Variants in NBEA observed in about 807,000 individuals in gnomAD.
NBEA encodes lysosomal-trafficking regulator 2.
In NBEA, 44 loss-of-function variants were observed where a neutral mutation model predicts 343.4. That is an observed-to-expected ratio of 0.13 (90% CI 0.10 to 0.16). The LOEUF (loss-of-function observed/expected upper bound fraction) is 0.16. Among genes scored for constraint, NBEA ranks in the 10% least tolerant of loss-of-function variants. NBEA has a pLI of 1.00. For synonymous variants in NBEA, 1,175 were observed against 1,238.7 expected (o/e 0.95, Z 1.08); for missense variants, 2,555 against 3,631.3 (o/e 0.70, Z 7.62).
chr13:35,233,272 T>C (rs1271122946), intron 34 of NBEA, among the ~76,000 whole-genome samples: 1 of 152,194 alleles, frequency 6.6e-6, no homozygotes, highest in Non-Finnish European at 1.5e-5. Context: ...TGGCTTTAGA[T>C]GCTGTTTCAG....
intron 38 of NBEA, among the ~76,000 whole-genome samples, chr13:35,393,608 A>C (rs1264361580): frequency 1.3e-5 from 2 of 152,134 alleles, no homozygotes; most frequent in East Asian, 3.8e-4. Context: ...ACATTTATGG[A>C]AAATTCAGGT....
intron 35 of NBEA, among the ~76,000 whole-genome samples, chr13:35,294,387 G>A (rs1261159621): frequency 6.6e-6 from 1 of 151,850 alleles, no homozygotes; most frequent in Non-Finnish European, 1.5e-5. Context: ...ATAGGTAAGA[G>A]AACATAGAGG....
At position 35,487,704 on chromosome 13, in the gene NBEA, T is replaced by C. The variant is rs1011386869; in HGVS notation, c.6585+15168T>C. Reference sequence around the variant, plus strand: ...GAACCAAAATATTTCCCCTTGAAACTTTCACCTTCTGGCCCCTACTTTCCC... The same window carrying C: ...GAACCAAAATATTTCCCCTTGAAACCTTCACCTTCTGGCCCCTACTTTCCC... On this transcript the variant is annotated intron_variant, in intron 41 of 58. Transcript: ENST00000379939. Among the ~76,000 whole-genome samples the C allele has an allele frequency of 3.9e-5, 6 of 151,910 alleles. No individual in the cohort carries two copies. The South Asian group carries it at 1.2e-3, about 31-fold the overall frequency.
chr13:35,476,220 C>T (rs765057512), intron 41 of NBEA: 3 of 1,602,782 alleles, frequency 1.9e-6, no homozygotes, highest in South Asian at 1.1e-5. Flanking sequence ...CTGGAGCCAA[C>T]TTCGGTGGAG....
At position 35,196,205 on chromosome 13, in the gene NBEA, A is replaced by G. The variant is rs774436359; in HGVS notation, c.5269A>G (p.Ile1757Val). Residue 1757 changes from isoleucine to valine, a missense_variant, in exon 31 of 59, where the codon ATA (isoleucine) becomes GTA (valine). Ile to Val is a conservative substitution (Grantham distance 29, BLOSUM62 3). Transcript: ENST00000379939. ...LKSLVAAPVE[I>V]AECGPEPIPY... ...AAGTCTTGTGGCTGCTCCAGTTGAA[A>G]TAGCAGAATGTGGCCCTGAACCTAT... 6.2e-7 allele frequency: 1 copy of G among 1,613,648 alleles called. No homozygotes were observed. The highest frequency in any genetic ancestry group is 1.1e-5 in the South Asian group (1 of 91,080).
Position 35,583,879 on chromosome 13 carries a change from AT to A in NBEA, c.7036-11del, listed in dbSNP as rs762925232. 3.8e-5 allele frequency: 60 copies of A among 1,591,092 alleles called. No individual in the cohort carries two copies. Among genetic ancestry groups the A allele is most frequent in the Middle Eastern group, 1.7e-4 (1 of 6,014 alleles). On this transcript the variant is annotated intron_variant, in intron 45 of 58. Coordinates refer to ENST00000379939, the MANE Select transcript of NBEA (RefSeq NM_001385012.1). ...CTAATATGACTGTATTAAACAAAAT[AT>A]TTTTTTTCTTTTAATAGCCAATTGG...
At chr13:35,336,033 A>G (rs533402545) in intron 36 of NBEA, among the ~76,000 whole-genome samples, 42 of 152,130 alleles carry the variant, frequency 2.8e-4, no homozygotes, top group Non-Finnish European at 4.7e-4. Flanking sequence ...CCTTAGGAAA[A>G]TCTGGGAGGT....
At chr13:35,621,558 G>C (rs73503130) in intron 48 of NBEA, among the ~76,000 whole-genome samples, 5,159 of 152,180 alleles carry the variant, frequency 0.034, 320 homozygotes, top group African/African-American at 0.12. Flanking sequence ...TCTCCTCCCA[G>C]TACAATGTAA....
At chr13:35,412,693 G>A (rs1456695350) in intron 38 of NBEA, among the ~76,000 whole-genome samples, 3 of 152,082 alleles carry the variant, frequency 2.0e-5, no homozygotes, top group East Asian at 1.9e-4. Context: ...TTTATCCAGA[G>A]TATTTAGTAC....
chr13:35,465,730 A>T (rs2075361592), intron 40 of NBEA, among the ~76,000 whole-genome samples: 1 of 152,184 alleles, frequency 6.6e-6, no homozygotes. Flanking sequence ...TTTGTATTAG[A>T]AAATAACTCC....
At chr13:34,964,617 G>A (rs571098110) in intron 1 of NBEA, among the ~76,000 whole-genome samples, 1 of 151,992 alleles carries the variant, frequency 6.6e-6, no homozygotes, top group South Asian at 2.1e-4. Flanking sequence ...GTGATGTTGG[G>A]GCCCAAAAGA....
At chr13:35,170,179 C>T (rs2070354028) in intron 25 of NBEA, among the ~76,000 whole-genome samples, 1 of 151,554 alleles carries the variant, frequency 6.6e-6, no homozygotes, top group Non-Finnish European at 1.5e-5. Flanking sequence ...CTCACGTTTC[C>T]ATGTTAATGC....
chr13:35,658,815 A>T (rs995180), intron 55 of NBEA, among the ~76,000 whole-genome samples: 24,548 of 152,114 alleles, frequency 0.16, 2,127 homozygotes, highest in African/African-American at 0.22. Flanking sequence ...TGACCCACTT[A>T]TCTATTTAAA....
chr13:35,024,265 T>C (rs9543006), intron 1 of NBEA, among the ~76,000 whole-genome samples: 26,652 of 152,192 alleles, frequency 0.18, 2,617 homozygotes, highest in East Asian at 0.45. Context: ...ATTGATTGCA[T>C]GCCTTTGCTA....
intron 36 of NBEA, among the ~76,000 whole-genome samples, chr13:35,345,290 C>A (rs1231376120): frequency 6.6e-6 from 1 of 151,982 alleles, no homozygotes; most frequent in African/African-American, 2.4e-5. Context: ...AGAAAACCTG[C>A]AGCTTTATTT....
intron 10 of NBEA, 69 bp downstream of exon 10, chr13:35,070,921 G>T: frequency 6.6e-7 from 1 of 1,504,116 alleles, no homozygotes; most frequent in Non-Finnish European, 9.0e-7. Context: ...GATGTACTCA[G>T]TGCTGTGTAA....
chr13:35,517,187 T>C (rs2077516605), intron 41 of NBEA, among the ~76,000 whole-genome samples: 1 of 152,160 alleles, frequency 6.6e-6, no homozygotes, highest in Admixed American at 6.6e-5. Flanking sequence ...CCTTGCCAAG[T>C]CCTCCGCTCC....
In NBEA at chr13:34,942,926, G is replaced by A; in HGVS notation, c.106G>A (p.Gly36Ser). Residue 36 changes from glycine to serine, a missense_variant, in exon 1 of 59, where the codon GGC becomes AGC. Gly to Ser is a moderately conservative substitution (Grantham distance 56, BLOSUM62 0). Coordinates refer to ENST00000379939, the MANE Select transcript of NBEA (RefSeq NM_001385012.1). ...GGGGGGSGGG[G>S]TGGSGMGELR... Reference sequence around the variant, plus strand: ...AGGCGGCGGGGGCAGCGGTGGTGGCGGCACCGGGGGCAGCGGGATGGGGGA... The same window carrying A: ...AGGCGGCGGGGGCAGCGGTGGTGGCAGCACCGGGGGCAGCGGGATGGGGGA... 2.6e-6 allele frequency: 4 copies of A among 1,537,808 alleles called. No individual in the cohort carries two copies. The highest frequency in any genetic ancestry group is 3.5e-6 in the Non-Finnish European group (4 of 1,141,360).
intron 34 of NBEA, among the ~76,000 whole-genome samples, chr13:35,234,667 T>C (rs1394616220): frequency 6.6e-6 from 1 of 152,196 alleles, no homozygotes; most frequent in Non-Finnish European, 1.5e-5. Context: ...CCTGCTGCCA[T>C]AAAGCCACTT....
Sources: gnomAD v4.1 joint callset for allele counts (sites outside exome capture counted in the v4.1 genomes callset) on GRCh38, gnomAD v4.1.1 for gene constraint, MANE v1.5 for transcripts, NCBI Gene and HGNC (gene_info 2026-07-23, HGNC 2026-07-21) for gene names.